The following RBBP8NL variants were observed in gnomAD, a reference collection of about 807,000 sequenced individuals.
RBBP8NL encodes RBBP8 N-terminal like.
RBBP8NL carries 59 observed loss-of-function variants against 62.2 expected under a neutral mutation model. The ratio of observed to expected loss-of-function variants is 0.95; its 90% CI spans 0.77 to 1.18. RBBP8NL has a LOEUF of 1.18. Among genes scored for constraint, RBBP8NL ranks in the 50% most tolerant of loss-of-function variants. The probability of loss-of-function intolerance (pLI) is 0.00; values close to 1 mark genes in which losing one functional copy is unlikely to be tolerated. For missense variants in RBBP8NL, 896 were observed against 899.5 expected, an observed-to-expected ratio of 1.00 and a Z score of 0.05; for synonymous variants, 412 against 394.1, an observed-to-expected ratio of 1.05 and a Z score of -0.54.
In RBBP8NL at chr20:62,415,563, G is replaced by A. The variant is rs114713822; in HGVS notation, c.627+15C>T. ...GCCCAGCTGCACATGGTGGGCTCCC[G>A]GTCCCTGCCCTTACCATGTCTGGGG... is the stretch of plus-strand genomic sequence containing the variant. On this transcript the variant is annotated intron_variant, in intron 8 of 13. Coordinates refer to ENST00000252998, the MANE Select transcript of RBBP8NL (RefSeq NM_080833.3). The A allele has an allele frequency of 4.4e-3, 7,063 of 1,612,236 alleles. 268 individuals are homozygous for A. The African/African-American group carries it at 0.082, about 19-fold the overall frequency.
Position 62,412,695 on chromosome 20 carries a change from C to A in RBBP8NL, c.1805G>T (p.Cys602Phe). 4.3e-6 allele frequency: 7 copies of A among 1,609,632 alleles called. No individual in the cohort carries two copies. Among genetic ancestry groups the A allele is most frequent in the Non-Finnish European group, 5.9e-6 (7 of 1,179,940 alleles). ...CTGCCCGTGCTCCTGGGTGCAGATG[C>A]ACTCAGGCCCCTCCCCGGTCGTGCT... is the stretch of plus-strand genomic sequence containing the variant. ...TTSTTGEGPE[C>F]ICTQEHGQGP... Residue 602 changes from cysteine (C) to phenylalanine (F), a missense_variant, in exon 13 of 14, where the codon TGC (cysteine) becomes TTC (phenylalanine). Cys to Phe is a radical substitution (Grantham distance 205, BLOSUM62 -2). Coordinates refer to ENST00000252998, the MANE Select transcript of RBBP8NL (RefSeq NM_080833.3).
intron 2 of RBBP8NL, 102 bp from the exon 3 acceptor site, chr20:62,418,567 G>T: frequency 8.4e-7 from 1 of 1,190,656 alleles, no homozygotes; most frequent in Non-Finnish European, 1.2e-6. Context: ...TGGCACTCCT[G>T]TCCCCTGCAC....
chr20:62,417,005 C>T, intron 4 of RBBP8NL, 133 bp from the exon 5 acceptor site: 1 of 768,728 alleles, frequency 1.3e-6, no homozygotes, highest in East Asian at 2.7e-5. Context: ...AGGCCTCTTC[C>T]CACCCCGTGG....
At chr20:62,416,280 GA>G in intron 5 of RBBP8NL, 44 bp from the exon 6 acceptor site, 5 of 602,834 alleles carry the variant, frequency 8.3e-6, no homozygotes, top group Non-Finnish European at 8.8e-6. Context: ...GGTTGGGGGG[GA>G]CAGGGGCAGG....
At chr20:62,426,970 G>A (rs1480077402) in intron 1 of RBBP8NL, among the ~76,000 whole-genome samples, 1 of 152,222 alleles carries the variant, frequency 6.6e-6, no homozygotes, top group Non-Finnish European at 1.5e-5. Context: ...GGTTGAGCAA[G>A]GCCCGCCTTT....
intron 3 of RBBP8NL, among the ~76,000 whole-genome samples, chr20:62,418,212 C>G (rs529482160): frequency 1.3e-5 from 2 of 152,296 alleles, no homozygotes; most frequent in Non-Finnish European, 2.9e-5. Flanking sequence ...TTGCCCCGCC[C>G]CTGGGAGGCC....
chr20:62,419,516 G>T, intron 2 of RBBP8NL, 71 bp downstream of exon 2: 3 of 1,505,956 alleles, frequency 2.0e-6, no homozygotes, highest in Non-Finnish European at 9.2e-7. Flanking sequence ...GTGCACAGTG[G>T]CCTGCTCCGA....
chr20:62,422,247 G>A (rs185824805), intron 1 of RBBP8NL, among the ~76,000 whole-genome samples: 4 of 152,258 alleles, frequency 2.6e-5, no homozygotes, highest in Admixed American at 2.0e-4. Flanking sequence ...GCCTGGAGAC[G>A]CCCACGTGAG....
intron 1 of RBBP8NL, among the ~76,000 whole-genome samples, chr20:62,424,397 C>T (rs1988765494): frequency 6.6e-6 from 1 of 152,180 alleles, no homozygotes; most frequent in Non-Finnish European, 1.5e-5. Context: ...GAACACGACC[C>T]AGAGGTGGCG....
In RBBP8NL at chr20:62,412,702, G is replaced by T. The variant is rs770671432; in HGVS notation, c.1798C>A (p.Pro600Thr). 1 of 1,609,954 alleles carries T rather than the reference G, an allele frequency of 6.2e-7. No homozygotes were observed. The highest frequency in any genetic ancestry group is 8.5e-7 in the Non-Finnish European group (1 of 1,179,916). Reference protein sequence around the residue: ...EATTSTTGEGPECICTQEHGQ... With the variant: ...EATTSTTGEGTECICTQEHGQ... The stretch of plus-strand genomic sequence containing the variant: ...TGCTCCTGGGTGCAGATGCACTCAG[G>T]CCCCTCCCCGGTCGTGCTCGTAGTG... Residue 600 changes from proline (P) to threonine (T), a missense_variant, in exon 13 of 14, where the codon CCT becomes ACT. Physicochemically the swap from Pro to Thr is conservative, Grantham distance 38. Coordinates refer to ENST00000252998, the MANE Select transcript of RBBP8NL (RefSeq NM_080833.3).
At chr20:62,417,388 A>T in intron 3 of RBBP8NL, 69 bp from the exon 4 acceptor site, 1 of 1,282,674 alleles carries the variant, frequency 7.8e-7, no homozygotes, top group Non-Finnish European at 1.1e-6. Context: ...CCCACCATCC[A>T]GCCTGGGGGG....
Position 62,410,864 on chromosome 20 carries a change from C to G in RBBP8NL, c.*14G>C. 1 of 1,583,714 alleles carries G rather than the reference C, an allele frequency of 6.3e-7. No individual in the cohort carries two copies. The highest frequency in any genetic ancestry group is 8.7e-7 in the Non-Finnish European group (1 of 1,154,680). On this transcript the variant is annotated 3_prime_UTR_variant, in exon 14 of 14. Coordinates refer to ENST00000252998, the MANE Select transcript of RBBP8NL (RefSeq NM_080833.3). The stretch of plus-strand genomic sequence containing the variant: ...GGCTGCCCCGGGCTCGCTGTGGACC[C>G]TGGTGCAGGCTGGCTAGGTCTCCTC...
chr20:62,418,312 GT>G (rs1988626272), intron 3 of RBBP8NL, 110 bp downstream of exon 3: 1 of 1,086,084 alleles, frequency 9.2e-7, no homozygotes, highest in East Asian at 2.6e-5. Context: ...CTGAGCCTCA[GT>G]TTCCCTTCTG....
chr20:62,414,943 G>T (rs1401335104), intron 9 of RBBP8NL, among the ~76,000 whole-genome samples, 178 bp downstream of exon 9: 3 of 152,200 alleles, frequency 2.0e-5, no homozygotes, highest in Non-Finnish European at 4.4e-5. Context: ...CACGCCCCAG[G>T]CCTGGCCACT....
chr20:62,412,224 T>C (rs116330736), intron 13 of RBBP8NL, among the ~76,000 whole-genome samples: 1,528 of 152,316 alleles, frequency 0.01, 25 homozygotes, highest in African/African-American at 0.033. Context: ...CAAGGGGCCC[T>C]GGGGATCTGC....
chr20:62,418,324 C>T, intron 3 of RBBP8NL, 99 bp downstream of exon 3: 1 of 1,175,904 alleles, frequency 8.5e-7, no homozygotes, highest in Non-Finnish European at 1.2e-6. Flanking sequence ...TTCCCTTCTG[C>T]ACCATAGGAC....
intron 1 of RBBP8NL, among the ~76,000 whole-genome samples, chr20:62,421,454 G>T (rs1312321420): frequency 6.6e-6 from 1 of 150,956 alleles, no homozygotes; most frequent in Non-Finnish European, 1.5e-5. Flanking sequence ...GTGCATGTGT[G>T]TGTGCCGTGT....
At chr20:62,413,051 G>A in intron 11 of RBBP8NL, 151 bp from the exon 12 acceptor site, 1 of 916,462 alleles carries the variant, frequency 1.1e-6, no homozygotes. Flanking sequence ...TGGCTGACAG[G>A]AGGCCGACTG....
At position 62,415,564 on chromosome 20, in the gene RBBP8NL, G is replaced by T. The variant is rs764363724; in HGVS notation, c.627+14C>A. The T allele has an allele frequency of 1.7e-5, 28 of 1,612,340 alleles. No homozygotes were observed. The Middle Eastern group carries it at 6.6e-4, about 38-fold the overall frequency. On this transcript the variant is annotated intron_variant, in intron 8 of 13. Coordinates refer to ENST00000252998, the MANE Select transcript of RBBP8NL (RefSeq NM_080833.3). ...CCCAGCTGCACATGGTGGGCTCCCG[G>T]TCCCTGCCCTTACCATGTCTGGGGC...
Sources: gnomAD v4.1 joint callset for allele counts (sites outside exome capture counted in the v4.1 genomes callset) on GRCh38, gnomAD v4.1.1 for gene constraint, MANE v1.5 for transcripts, NCBI Gene and HGNC (gene_info 2026-07-23, HGNC 2026-07-21) for gene names.